Variants in PIK3C3 observed in about 807,000 individuals in gnomAD.
PIK3C3 encodes the protein phosphatidylinositol 3-kinase catalytic subunit type 3, also known as PI3-kinase type 3.
PIK3C3 carries 95 observed loss-of-function variants against 126.1 expected under a neutral mutation model. The ratio of observed to expected loss-of-function variants is 0.75; its 90% CI spans 0.64 to 0.89. The LOEUF (loss-of-function observed/expected upper bound fraction) is 0.89, where lower values mean the gene tolerates loss of function less well. Ranked by LOEUF, PIK3C3 falls within the 40% of genes least tolerant of loss-of-function variation. PIK3C3 has a pLI of 0.00. For missense variants in PIK3C3, 829 were observed against 1,063.2 expected (o/e 0.78, Z 3.06); for synonymous variants, 374 against 360.0 (o/e 1.04, Z -0.44).
chr18:42,013,019 T>G (rs1476160879), intron 10 of PIK3C3, among the ~76,000 whole-genome samples: 1 of 152,128 alleles, frequency 6.6e-6, no homozygotes, highest in Non-Finnish European at 1.5e-5. Flanking sequence ...TTGTGTAATA[T>G]TAAACATAGA....
chr18:42,055,907 T>C (rs1001535327), intron 21 of PIK3C3, among the ~76,000 whole-genome samples: 1 of 152,124 alleles, frequency 6.6e-6, no homozygotes, highest in Non-Finnish European at 1.5e-5. Flanking sequence ...AGAAATAAGT[T>C]CATGTTATTT....
intron 21 of PIK3C3, among the ~76,000 whole-genome samples, chr18:42,055,868 G>T (rs1432711020): frequency 1.3e-5 from 2 of 151,950 alleles, no homozygotes; most frequent in Non-Finnish European, 2.9e-5. Context: ...TTTAATCCAA[G>T]AATTACAGAT....
At position 42,087,752 on chromosome 18, in the gene PIK3C3, G is replaced by A. The variant is rs1170590396; in HGVS notation, c.*6615G>A. On this transcript the variant is annotated 3_prime_UTR_variant, in exon 25 of 25. Coordinates refer to ENST00000262039, the MANE Select transcript of PIK3C3 (RefSeq NM_002647.4). ...GATTACCATTTATCAAAGAAAACCA[G>A]TGATGTTTAGTTAACTGTTTGTAAA... 1 of 152,172 alleles carries A rather than the reference G, an allele frequency of 6.6e-6. No individual in the cohort carries two copies. The highest frequency in any genetic ancestry group is 1.5e-5 in the Non-Finnish European group (1 of 68,038). The allele number at this position is 152,172 out of a possible 1,614,324, so 9.4% of individuals were successfully genotyped here.
rs111634266 is a variant in PIK3C3 at position 41,957,541 on chromosome 18, C to T, written c.69-29C>T. On this transcript the variant is annotated intron_variant, in intron 1 of 24. Coordinates refer to ENST00000262039, the MANE Select transcript of PIK3C3 (RefSeq NM_002647.4). ...ATGTACATGCTTAAAAAATTCATGT[C>T]TGAAACATTGTTGGTCTTGTGCTTT... The T allele has an allele frequency of 3.4e-5, 55 of 1,595,830 alleles. No homozygotes were observed. In the African/African-American group the frequency reaches 4.2e-4, roughly 12 times the overall value.
chr18:42,008,041 C>T (rs526393), intron 10 of PIK3C3, among the ~76,000 whole-genome samples: 4 of 152,062 alleles, frequency 2.6e-5, no homozygotes, highest in Non-Finnish European at 5.9e-5. Flanking sequence ...TTTTGACACT[C>T]GTTCATATCA....
chr18:41,962,158 A>C (rs1980120832), intron 2 of PIK3C3, among the ~76,000 whole-genome samples: 1 of 152,148 alleles, frequency 6.6e-6, no homozygotes, highest in Non-Finnish European at 1.5e-5. Flanking sequence ...TGGTTAAAGA[A>C]AATCATGGTT....
chr18:41,965,025 TA>T (rs1267273255), intron 3 of PIK3C3, among the ~76,000 whole-genome samples: 1 of 152,206 alleles, frequency 6.6e-6, no homozygotes, highest in African/African-American at 2.4e-5. Flanking sequence ...TTTGATAAAA[TA>T]GCATGTTACA....
In PIK3C3 at chr18:42,073,250, A is replaced by G. The variant is rs115959085; in HGVS notation, c.2649+5737A>G. On this transcript the variant is annotated intron_variant, in intron 24 of 24. Coordinates refer to ENST00000262039, the MANE Select transcript of PIK3C3 (RefSeq NM_002647.4). Reference sequence around the variant, plus strand: ...TCATCACTTGCAGTGTTCAAGGAGGAAAAGCACACGTCTAGGCAGAGAGAC... The same window carrying G: ...TCATCACTTGCAGTGTTCAAGGAGGGAAAGCACACGTCTAGGCAGAGAGAC... 8.9e-3 allele frequency among the ~76,000 whole-genome samples: 1,363 copies of G among 152,334 alleles called. 18 individuals are homozygous for G. Among genetic ancestry groups the G allele is most frequent in the African/African-American group, 0.031 (1,309 of 41,582 alleles).
intron 4 of PIK3C3, among the ~76,000 whole-genome samples, chr18:41,979,500 T>A (rs1385579734): frequency 6.6e-6 from 1 of 152,172 alleles, no homozygotes; most frequent in East Asian, 1.9e-4. Context: ...TTATTACAAA[T>A]CCTATAATGG....
chr18:42,081,038 T>C (rs1438401214), intron 24 of PIK3C3, 85 bp from the exon 25 acceptor site: 2 of 777,568 alleles, frequency 2.6e-6, no homozygotes, highest in African/African-American at 3.5e-5. Context: ...TTATTAGTAG[T>C]CTTTTTTAAA....
In PIK3C3 at chr18:41,971,667, A is replaced by G. The variant is rs1262765141; in HGVS notation, c.531+1211A>G. Among the ~76,000 whole-genome samples the G allele has an allele frequency of 5.9e-5, 9 of 152,196 alleles. No individual in the cohort carries two copies. In the South Asian group the frequency reaches 1.9e-3, roughly 32 times the overall value. Reference sequence around the variant, plus strand: ...TTGAGCTACTCTCTGTCCCTTTTACAAACCTTGAATAGTTAATATAAATTT... The same window carrying G: ...TTGAGCTACTCTCTGTCCCTTTTACGAACCTTGAATAGTTAATATAAATTT... On this transcript the variant is annotated intron_variant, in intron 4 of 24. Coordinates refer to ENST00000262039, the MANE Select transcript of PIK3C3 (RefSeq NM_002647.4).
chr18:42,037,657 T>C, intron 16 of PIK3C3, 35 bp from the exon 17 acceptor site: 4 of 1,587,664 alleles, frequency 2.5e-6, no homozygotes, highest in Non-Finnish European at 3.4e-6. Context: ...CATTAATTCA[T>C]GGCCAAATTT....
chr18:41,963,358 C>T (rs976704363), intron 3 of PIK3C3, among the ~76,000 whole-genome samples: 2 of 152,260 alleles, frequency 1.3e-5, no homozygotes, highest in East Asian at 1.9e-4. Flanking sequence ...AGGTGGTGAT[C>T]GATGGCTTTT....
At chr18:41,969,601 A>T (rs909271983) in intron 3 of PIK3C3, among the ~76,000 whole-genome samples, 2 of 152,220 alleles carry the variant, frequency 1.3e-5, no homozygotes, top group African/African-American at 4.8e-5. Context: ...TTTTTGTATG[A>T]ATCTACTATT....
chr18:42,046,208 G>A (rs1203855452), intron 20 of PIK3C3, among the ~76,000 whole-genome samples: 1 of 151,982 alleles, frequency 6.6e-6, no homozygotes, highest in Non-Finnish European at 1.5e-5. Flanking sequence ...TTAATGGTAG[G>A]CCTTCTCTTC....
intron 14 of PIK3C3, among the ~76,000 whole-genome samples, chr18:42,028,357 A>G (rs570732373): frequency 2.0e-5 from 3 of 152,276 alleles, no homozygotes; most frequent in African/African-American, 7.2e-5. Context: ...TTGCCTTTTC[A>G]ACAGCTTTTA....
chr18:42,027,363 T>G, intron 13 of PIK3C3, 80 bp from the exon 14 acceptor site: 1 of 684,582 alleles, frequency 1.5e-6, no homozygotes, highest in Non-Finnish European at 2.5e-6. Flanking sequence ...TTAATCTGTT[T>G]TAGTGAAATG....
At chr18:42,018,839 C>T (rs1983192389) in intron 12 of PIK3C3, among the ~76,000 whole-genome samples, 1 of 152,132 alleles carries the variant, frequency 6.6e-6, no homozygotes, top group South Asian at 2.1e-4. Context: ...TAATTACCTA[C>T]TTTCGCTATG....
At chr18:41,996,047 T>C in intron 8 of PIK3C3, 53 bp downstream of exon 8, 1 of 1,156,470 alleles carries the variant, frequency 8.6e-7, no homozygotes, top group Non-Finnish European at 1.3e-6. Flanking sequence ...GTGTTCTGGT[T>C]GAAACTGATA....
Sources: allele counts gnomAD v4.1 joint callset (sites outside exome capture counted in the v4.1 genomes callset), GRCh38; gene constraint gnomAD v4.1.1; transcripts MANE v1.5; gene names NCBI Gene and HGNC (gene_info 2026-07-23, HGNC 2026-07-21).